STAU2: variants seen among roughly 807,000 people sequenced by gnomAD.
The protein encoded by STAU2 is double-stranded RNA-binding protein Staufen homolog 2.
A neutral mutation model predicts 65.9 loss-of-function variants in STAU2; 20 were observed. That is an observed-to-expected ratio of 0.30 (90% CI 0.21 to 0.44). The LOEUF is 0.44. STAU2 is among the 20% of genes least tolerant of loss of function. The pLI, the probability that STAU2 is intolerant of heterozygous loss-of-function variation, is 1.00. For missense variants in STAU2, 558 were observed against 683.9 expected (o/e 0.82, Z 2.05); for synonymous variants, 232 against 233.9 (o/e 0.99, Z 0.07).
chr8:73,611,743 A>G (rs1812481344), intron 9 of STAU2, among the ~76,000 whole-genome samples: 1 of 151,556 alleles, frequency 6.6e-6, no homozygotes, highest in Admixed American at 6.6e-5. Context: ...AGTGGCAGTG[A>G]TCTTGGCTCA....
intron 5 of STAU2, among the ~76,000 whole-genome samples, chr8:73,680,927 G>T (rs1363448032): frequency 2.6e-5 from 4 of 151,814 alleles, no homozygotes. Flanking sequence ...AAAGGAAAAA[G>T]AATTTTAAAA....
At chr8:73,599,975 A>G (rs1353689232) in intron 10 of STAU2, among the ~76,000 whole-genome samples, 1 of 152,124 alleles carries the variant, frequency 6.6e-6, no homozygotes, top group Non-Finnish European at 1.5e-5. Context: ...TCACTGTGTT[A>G]GCCAGGATAG....
At chr8:73,551,689 T>G in intron 13 of STAU2, 2 of 1,017,810 alleles carry the variant, frequency 2.0e-6, no homozygotes, top group Non-Finnish European at 2.4e-6. Flanking sequence ...GAATTTTTGT[T>G]TGTGGAAGAC....
At chr8:73,711,671 T>G (rs897526834) in intron 3 of STAU2, among the ~76,000 whole-genome samples, 1 of 152,150 alleles carries the variant, frequency 6.6e-6, no homozygotes, top group Non-Finnish European at 1.5e-5. Context: ...CCGTTTGGTA[T>G]GAAAACCTAA....
rs569077237 is a variant in STAU2 at position 73,716,245 on chromosome 8, C to T, written c.-17-7083G>A. ...CTGGGACTACAGGCGCCCGCCACCACGCCCAGCTAATTTTTTGTATTTTTA... is the reference window on the plus strand; with the variant it reads ...CTGGGACTACAGGCGCCCGCCACCATGCCCAGCTAATTTTTTGTATTTTTA... On this transcript the variant is annotated intron_variant, in intron 3 of 14. Transcript: ENST00000524300. 2.2e-4 allele frequency among the ~76,000 whole-genome samples: 34 copies of T among 151,994 alleles called. 1 individual carries two copies. The South Asian group carries it at 5.0e-3, about 22-fold the overall frequency.
chr8:73,524,782 C>T (rs935397072), intron 13 of STAU2, among the ~76,000 whole-genome samples: 4 of 152,156 alleles, frequency 2.6e-5, no homozygotes, highest in Non-Finnish European at 5.9e-5. Flanking sequence ...AAAATGATTA[C>T]AATTTTTCTT....
At chr8:73,496,820 A>G (rs531850007) in intron 13 of STAU2, among the ~76,000 whole-genome samples, 2 of 151,864 alleles carry the variant, frequency 1.3e-5, no homozygotes, top group East Asian at 3.9e-4. Flanking sequence ...TGGAGCACAC[A>G]TCCCAATTTG....
At chr8:73,719,260 C>G (rs1176924943) in intron 3 of STAU2, among the ~76,000 whole-genome samples, 1 of 152,098 alleles carries the variant, frequency 6.6e-6, no homozygotes, top group Non-Finnish European at 1.5e-5. Flanking sequence ...AAAAAATTAG[C>G]CAGACATAGT....
At chr8:73,518,043 T>TA (rs965855231) in intron 13 of STAU2, among the ~76,000 whole-genome samples, 3 of 151,562 alleles carry the variant, frequency 2.0e-5, no homozygotes, top group Non-Finnish European at 2.9e-5. Context: ...CTTTATTACT[T>TA]AAAAAAAAAG....
chr8:73,486,167 C>T (rs867260351), intron 13 of STAU2, among the ~76,000 whole-genome samples: 2 of 152,092 alleles, frequency 1.3e-5, no homozygotes, highest in East Asian at 1.9e-4. Flanking sequence ...GTGTGAACTC[C>T]GTGAACACAA....
intron 6 of STAU2, among the ~76,000 whole-genome samples, chr8:73,646,316 C>T (rs1020792148): frequency 7.9e-5 from 12 of 152,128 alleles, no homozygotes; most frequent in Non-Finnish European, 1.5e-4. Context: ...AGAAACCACT[C>T]TATATTATTT....
At chr8:73,468,894 T>C (rs896866159) in intron 13 of STAU2, among the ~76,000 whole-genome samples, 2 of 152,178 alleles carry the variant, frequency 1.3e-5, no homozygotes, top group African/African-American at 2.4e-5. Flanking sequence ...GAAGACAGTA[T>C]GGCGATTCCT....
intron 13 of STAU2, among the ~76,000 whole-genome samples, chr8:73,531,291 A>G (rs573612091): frequency 1.3e-5 from 2 of 152,332 alleles, no homozygotes; most frequent in South Asian, 4.1e-4. Context: ...AGCTAGCCAG[A>G]AAACTATGGA....
At chr8:73,541,190 G>T (rs1746420460) in intron 13 of STAU2, among the ~76,000 whole-genome samples, 1 of 152,120 alleles carries the variant, frequency 6.6e-6, no homozygotes, top group Non-Finnish European at 1.5e-5. Context: ...TAGTATCAGT[G>T]GGTGTGTGGC....
intron 6 of STAU2, among the ~76,000 whole-genome samples, chr8:73,639,702 T>C (rs571191929): frequency 6.6e-6 from 1 of 152,286 alleles, no homozygotes; most frequent in South Asian, 2.1e-4. Context: ...GTTTTAGATG[T>C]TTGAACAAGA....
chr8:73,630,023 T>C (rs916492854), intron 6 of STAU2, among the ~76,000 whole-genome samples: 5 of 152,188 alleles, frequency 3.3e-5, no homozygotes, highest in Non-Finnish European at 5.9e-5. Context: ...ATATTAAAAG[T>C]GTAAAAAAAG....
intron 9 of STAU2, among the ~76,000 whole-genome samples, chr8:73,609,713 A>T (rs1329122404): frequency 1.3e-5 from 2 of 152,106 alleles, no homozygotes; most frequent in Non-Finnish European, 2.9e-5. Flanking sequence ...AGAAAAGACA[A>T]ATCCACATAA....
intron 1 of STAU2, among the ~76,000 whole-genome samples, chr8:73,744,184 T>C (rs1807112288): frequency 6.6e-6 from 1 of 152,120 alleles, no homozygotes; most frequent in Non-Finnish European, 1.5e-5. Flanking sequence ...ATGGCAAAGC[T>C]CCTATATAGA....
chr8:73,678,001 C>T (rs1025700320), intron 5 of STAU2, among the ~76,000 whole-genome samples: 9 of 152,106 alleles, frequency 5.9e-5, no homozygotes, highest in South Asian at 2.1e-4. Flanking sequence ...ACATTATATG[C>T]CTTTGCTTTA....
Sources: gnomAD v4.1 joint callset for allele counts (sites outside exome capture counted in the v4.1 genomes callset) on GRCh38, gnomAD v4.1.1 for gene constraint, MANE v1.5 for transcripts, NCBI Gene and HGNC (gene_info 2026-07-23, HGNC 2026-07-21) for gene names.